The following ADCK2 variants were observed in gnomAD, a reference collection of about 807,000 sequenced individuals.
ADCK2 encodes the protein aarF domain containing kinase 2.
A neutral mutation model predicts 52.3 loss-of-function variants in ADCK2; 37 were observed. That is an observed-to-expected ratio of 0.71 (90% CI 0.54 to 0.93). The LOEUF is 0.93. Ranked by LOEUF, ADCK2 falls within the 40% of genes least tolerant of loss-of-function variation. The pLI is 0.00. For synonymous variants in ADCK2, 321 were observed against 349.2 expected (o/e 0.92, Z 0.90); for missense variants, 695 against 798.7 (o/e 0.87, Z 1.56).
In ADCK2 at chr7:140,694,611, C is replaced by A. The variant is rs563973826; in HGVS notation, c.1741-52C>A. 12 of 1,560,694 alleles carry A rather than the reference C, an allele frequency of 7.7e-6. No homozygotes were observed. The African/African-American group carries it at 1.2e-4, about 16-fold the overall frequency. On this transcript the variant is annotated intron_variant, in intron 7 of 7. Transcript: ENST00000072869. ...CAGCAAGGTGATTATCCAGAACACA[C>A]GTCCCTGTATCAGCATGTTCTGAGA...
intron 5 of ADCK2, 55 bp downstream of exon 5, chr7:140,687,296 C>A: frequency 6.7e-7 from 1 of 1,497,180 alleles, no homozygotes. Context: ...ATTAAAAGAG[C>A]TGGTGAAGCA....
At position 140,673,492 on chromosome 7, in the gene ADCK2, CGGG is replaced by C; in HGVS notation, c.164_166del (p.Gly55del). The C allele has an allele frequency of 6.2e-7, 1 of 1,605,100 alleles. No individual in the cohort carries two copies. Among genetic ancestry groups the C allele is most frequent in the Non-Finnish European group, 8.5e-7 (1 of 1,177,362 alleles). ...CTTTGCCCAAGGTCGTCTCCCTGTG[CGGG>C]GACGTGGGTGAGGGGGCCCCTGACG... On this transcript the variant is annotated inframe_deletion, in exon 1 of 8. Transcript: ENST00000072869. This position sits in a 1 kb window ranked among gnomAD's most constrained non-coding sequence, Gnocchi z 6.4.
rs1362943623 is a variant in ADCK2 at position 140,673,580 on chromosome 7, C to T, written c.250C>T (p.Leu84Phe). 4.4e-6 allele frequency: 7 copies of T among 1,604,034 alleles called. No individual in the cohort carries two copies. Among genetic ancestry groups the T allele is most frequent in the Non-Finnish European group, 5.9e-6 (7 of 1,178,710 alleles). The change falls in exon 1 of 8, where the codon CTC (leucine) becomes TTC (phenylalanine). Residue 84 changes from leucine to phenylalanine, a missense_variant. Coordinates refer to ENST00000072869, the MANE Select transcript of ADCK2 (RefSeq NM_052853.4). This position sits in a 1 kb window ranked among gnomAD's most constrained non-coding sequence, Gnocchi z 6.4. ...GGCTGGCGCGGGGCCCGCGGAGAGCCTCCCCCGAGCGGGACCTCTGGGCGG... is the reference window on the plus strand; with the variant it reads ...GGCTGGCGCGGGGCCCGCGGAGAGCTTCCCCCGAGCGGGACCTCTGGGCGG... ...GAAGAGPAES[L>F]PRAGPLGGVF...
intron 4 of ADCK2, among the ~76,000 whole-genome samples, chr7:140,682,339 G>A (rs1008966474): frequency 3.9e-5 from 6 of 152,188 alleles, no homozygotes; most frequent in African/African-American, 1.4e-4. Flanking sequence ...AGGTGGCAGG[G>A]AGTTGTCTAG....
intron 4 of ADCK2, among the ~76,000 whole-genome samples, chr7:140,684,097 G>A (rs1794564392): frequency 1.3e-5 from 2 of 152,298 alleles, no homozygotes; most frequent in South Asian, 4.1e-4. Flanking sequence ...CCATGTTGGT[G>A]TTGGAGAGGC....
At position 140,695,076 on chromosome 7, in the gene ADCK2, T is replaced by C; in HGVS notation, c.*273T>C. ...ACACTCTCCTTCAGGGAAAATGTTATGTGGAGGAGGACGAATAAATTTATT... is the reference window on the plus strand; with the variant it reads ...ACACTCTCCTTCAGGGAAAATGTTACGTGGAGGAGGACGAATAAATTTATT... On this transcript the variant is annotated 3_prime_UTR_variant, in exon 8 of 8. Transcript: ENST00000072869. The C allele has an allele frequency of 7.5e-6, 9 of 1,202,006 alleles. No homozygotes were observed. Among genetic ancestry groups the C allele is most frequent in the Non-Finnish European group, 9.3e-6 (9 of 968,666 alleles). 74.5% of individuals were successfully genotyped at this position (1,202,006 alleles called of 1,614,324 possible).
intron 3 of ADCK2, among the ~76,000 whole-genome samples, chr7:140,679,757 C>T (rs2130783065): frequency 6.6e-6 from 1 of 150,494 alleles, no homozygotes; most frequent in East Asian, 2.0e-4. Context: ...ACTGCCACCT[C>T]CGCCTTCCAG....
intron 3 of ADCK2, among the ~76,000 whole-genome samples, chr7:140,679,873 C>T (rs761653688): frequency 6.6e-5 from 10 of 151,606 alleles, no homozygotes; most frequent in Non-Finnish European, 8.8e-5. Flanking sequence ...GGAGTTTTGC[C>T]GTGTTGGCCA....
intron 5 of ADCK2, 58 bp downstream of exon 5, chr7:140,687,299 G>A: frequency 6.7e-7 from 1 of 1,492,504 alleles, no homozygotes; most frequent in Non-Finnish European, 9.0e-7. Flanking sequence ...AAAAGAGCTG[G>A]TGAAGCATGG....
At chr7:140,679,576 G>A (rs1006841094) in intron 3 of ADCK2, among the ~76,000 whole-genome samples, 2 of 151,338 alleles carry the variant, frequency 1.3e-5, no homozygotes, top group African/African-American at 2.4e-5. Flanking sequence ...TGCAAAACAA[G>A]GAGTTGGGCA....
chr7:140,675,846 G>A (rs1319463311), intron 2 of ADCK2, among the ~76,000 whole-genome samples: 2 of 152,168 alleles, frequency 1.3e-5, no homozygotes, highest in Non-Finnish European at 2.9e-5. Flanking sequence ...TCATGCTCAG[G>A]GCCCTTGGGA....
rs1003699102 is a variant in ADCK2, at chr7:140,687,152, G to A, written c.1468G>A (p.Val490Met). Residue 490 changes from valine to methionine, a missense_variant, in exon 5 of 8, where the codon GTG (valine) becomes ATG (methionine). Transcript: ENST00000072869. ...VPSSLCPLRL[V>M]LLDAGIVAEL... ...ATCTTCCCTCTGCCCGCTGCGACTG[G>A]TGCTGCTGGATGCTGGCATTGTGGC... 1 of 1,612,070 alleles carries A rather than the reference G, an allele frequency of 6.2e-7. No individual in the cohort carries two copies. Among genetic ancestry groups the A allele is most frequent in the Non-Finnish European group, 8.5e-7 (1 of 1,179,004 alleles).
At chr7:140,682,840 A>T (rs1373199662) in intron 4 of ADCK2, among the ~76,000 whole-genome samples, 1 of 150,864 alleles carries the variant, frequency 6.6e-6, no homozygotes, top group East Asian at 2.0e-4. Flanking sequence ...AAAAAAAAAA[A>T]AAAAATACAA....
intron 7 of ADCK2, among the ~76,000 whole-genome samples, chr7:140,692,286 G>A (rs1010104603): frequency 3.3e-5 from 5 of 152,114 alleles, no homozygotes; most frequent in African/African-American, 9.7e-5. Flanking sequence ...GAATTATAAA[G>A]TATACTGTCC....
At position 140,673,948 on chromosome 7, in the gene ADCK2, GGGCTCA is replaced by G. The variant is rs1563205266; in HGVS notation, c.623_628del (p.Ser208_Gly209del). 1 of 1,614,016 alleles carries G rather than the reference GGGCTCA, an allele frequency of 6.2e-7. No homozygotes were observed. The highest frequency in any genetic ancestry group is 8.5e-7 in the Non-Finnish European group (1 of 1,180,044). On this transcript the variant is annotated inframe_deletion, in exon 1 of 8. Coordinates refer to ENST00000072869, the MANE Select transcript of ADCK2 (RefSeq NM_052853.4). The surrounding 1 kb of genome is among the most constrained non-coding windows in gnomAD (Gnocchi z 6.4). ...TCTCTTTTGAGAACCGGGAACCTGT[GGGCTCA>G]GGCTGCGTGGCCCAGGTGTACAAAG...
Position 140,673,286 on chromosome 7 carries a change from C to T in ADCK2, c.-45C>T. On this transcript the variant is annotated 5_prime_UTR_variant, in exon 1 of 8. Transcript: ENST00000072869. The surrounding 1 kb of genome is among the most constrained non-coding windows in gnomAD (Gnocchi z 6.4). The stretch of plus-strand genomic sequence containing the variant: ...ACCGCAGCCTCGCCTGAGCGGGCGC[C>T]TCTGAAGTGGAGGGCGGGCCGCCTG... 1 of 1,411,802 alleles carries T rather than the reference C, an allele frequency of 7.1e-7. No homozygotes were observed. Among genetic ancestry groups the T allele is most frequent in the Non-Finnish European group, 9.2e-7 (1 of 1,082,492 alleles). The allele number at this position is 1,411,802 out of a possible 1,614,324, so 87.5% of individuals were successfully genotyped here.
At chr7:140,689,879 G>A (rs976133775) in intron 6 of ADCK2, among the ~76,000 whole-genome samples, 154 bp downstream of exon 6, 1 of 152,146 alleles carries the variant, frequency 6.6e-6, no homozygotes, top group African/African-American at 2.4e-5. Flanking sequence ...AGGAGCCCCA[G>A]TGAAGTCCGT....
chr7:140,678,846 G>T lies in ADCK2; in HGVS notation c.1081-309G>T, dbSNP rs116825360. On this transcript the variant is annotated intron_variant, in intron 2 of 7. Coordinates refer to ENST00000072869, the MANE Select transcript of ADCK2 (RefSeq NM_052853.4). This position sits in a 1 kb window ranked among gnomAD's most constrained non-coding sequence, Gnocchi z 4.9. ...GAGAAGCCAGACCCCAGGGAGACGG[G>T]GAAGGGACTCATGGGCTGGTGTGAG... Among the ~76,000 whole-genome samples the T allele has an allele frequency of 1.3e-5, 2 of 152,148 alleles. No individual in the cohort carries two copies. Among genetic ancestry groups the T allele is most frequent in the African/African-American group, 4.8e-5 (2 of 41,426 alleles).
Position 140,690,682 on chromosome 7 carries a change from G to GA in ADCK2, c.1687-77dup. 5.1e-6 allele frequency: 7 copies of GA among 1,375,194 alleles called. 1 individual carries two copies. In the South Asian group the frequency reaches 8.6e-5, roughly 17 times the overall value. 85.2% of individuals were successfully genotyped at this position (1,375,194 alleles called of 1,614,324 possible). A position where few individuals can be genotyped will look rare whatever the true frequency, so the allele number is the denominator to read the frequency against. ...GGGAGTGGGGTGGGATGCTGGGGCT[G>GA]AGAGTGTGGGGGTGGTGGGAAATGA... On this transcript the variant is annotated intron_variant, in intron 6 of 7. Coordinates refer to ENST00000072869, the MANE Select transcript of ADCK2 (RefSeq NM_052853.4).
Sources: gnomAD v4.1 joint callset for allele counts (sites outside exome capture counted in the v4.1 genomes callset) on GRCh38, gnomAD v4.1.1 for gene constraint, Gnocchi (gnomAD v3.1) non-coding constraint, MANE v1.5 for transcripts, NCBI Gene and HGNC (gene_info 2026-07-23, HGNC 2026-07-21) for gene names.